Variants in GOLGA8B observed in about 807,000 individuals in gnomAD.
GOLGA8B encodes golgin subfamily A member 8B.
GOLGA8B carries 1 observed loss-of-function variant against 15.6 expected under a neutral mutation model. The observed-to-expected ratio is 0.06, with a 90% confidence interval of 0.02 to 0.30. The LOEUF (loss-of-function observed/expected upper bound fraction) is 0.30. GOLGA8B is among the 10% of genes least tolerant of loss of function. GOLGA8B has a pLI of 1.00. For synonymous variants in GOLGA8B, 9 were observed against 80.3 expected (o/e 0.11, Z 4.75); for missense variants, 17 against 201.3 (o/e 0.08, Z 5.54).
intron 1 of GOLGA8B, among the ~76,000 whole-genome samples, chr15:34,574,201 T>G (rs560117729): frequency 3.3e-5 from 5 of 152,308 alleles, no homozygotes; most frequent in Admixed American, 2.0e-4. Context: ...TAATATTAGA[T>G]GTCTGATTAA....
intron 1 of GOLGA8B, among the ~76,000 whole-genome samples, chr15:34,579,073 A>C (rs1017203546): frequency 1.1e-4 from 17 of 152,002 alleles, no homozygotes; most frequent in African/African-American, 3.6e-4. Context: ...CAAAACAACC[A>C]CAGGCAAGAG....
At chr15:34,570,956 C>A (rs1339985031) in intron 1 of GOLGA8B, among the ~76,000 whole-genome samples, 3 of 133,196 alleles carry the variant, frequency 2.3e-5, no homozygotes, top group Non-Finnish European at 4.8e-5. Context: ...CCACCCCCAA[C>A]CCCCACCATA....
At chr15:34,574,911 C>T (rs1013829080) in intron 1 of GOLGA8B, 7 of 152,080 alleles carry the variant, frequency 4.6e-5, no homozygotes, top group African/African-American at 1.7e-4. Context: ...ACAGCTCCCT[C>T]CACCTGAAAG....
At chr15:34,575,488 C>G (rs1366022348) in intron 1 of GOLGA8B, among the ~76,000 whole-genome samples, 1 of 151,778 alleles carries the variant, frequency 6.6e-6, no homozygotes, top group Non-Finnish European at 1.5e-5. Context: ...TGCTCCCAAC[C>G]CACAGCAAGG....
chr15:34,563,757 T>C (rs952687761), intron 1 of GOLGA8B, among the ~76,000 whole-genome samples: 9 of 150,040 alleles, frequency 6.0e-5, no homozygotes, highest in Non-Finnish European at 7.5e-5. Flanking sequence ...TTTTCATGAT[T>C]GTGCCTTCAA....
chr15:34,573,308 G>A (rs981077073), intron 1 of GOLGA8B, among the ~76,000 whole-genome samples: 2 of 152,160 alleles, frequency 1.3e-5, no homozygotes, highest in Admixed American at 6.5e-5. Context: ...GGAGGCTGAA[G>A]CAGGCAGATC....
rs1158624521 is a variant in GOLGA8B at position 34,526,591 on chromosome 15, G to C, written c.*1041C>G. Reference sequence around the variant, plus strand: ...CTAGAGCCTGTATGCCTGTTTCAGAGACATTTAAACTCTTAAAGGATGTCT... The same window carrying C: ...CTAGAGCCTGTATGCCTGTTTCAGACACATTTAAACTCTTAAAGGATGTCT... On this transcript the variant is annotated 3_prime_UTR_variant, in exon 24 of 24. Coordinates refer to ENST00000683415, the MANE Select transcript of GOLGA8B (RefSeq NM_001023567.5). The C allele has an allele frequency of 1.3e-5, 2 of 148,916 alleles. No homozygotes were observed. The highest frequency in any genetic ancestry group is 3.0e-5 in the Non-Finnish European group (2 of 67,186). The allele number at this position is 148,916 out of a possible 1,614,324, so 9.2% of individuals were successfully genotyped here.
At position 34,580,741 on chromosome 15, in the gene GOLGA8B, C is replaced by G. The variant is rs115624372; in HGVS notation, c.-1123+2775G>C. On this transcript the variant is annotated intron_variant, in intron 1 of 23. Transcript: ENST00000683415. ...CCGGAGAAGCCTCTCTGTGGGCGCT[C>G]AGGCCAACCACCATCCAAGGGAACA... Among the ~76,000 whole-genome samples, 224 of 152,206 alleles carry G rather than the reference C, an allele frequency of 1.5e-3. 2 individuals carry two copies. Among genetic ancestry groups the G allele is most frequent in the African/African-American group, 5.1e-3 (212 of 41,506 alleles).
chr15:34,583,464 G>A (rs1889307051), intron 1 of GOLGA8B, 52 bp downstream of exon 1: 2 of 151,532 alleles, frequency 1.3e-5, no homozygotes, highest in African/African-American at 2.4e-5. Context: ...GCCGCGGGCG[G>A]CCCCAGGTTG....
intron 1 of GOLGA8B, among the ~76,000 whole-genome samples, chr15:34,559,673 CAA>C (rs1888575444): frequency 9.5e-6 from 1 of 104,928 alleles, no homozygotes; most frequent in South Asian, 3.7e-4. Context: ...GAACTCAGAG[CAA>C]GAGTTCACCT....
chr15:34,543,601 T>G (rs1365246138), intron 7 of GOLGA8B, among the ~76,000 whole-genome samples: 1 of 104,840 alleles, frequency 9.5e-6, no homozygotes, highest in Non-Finnish European at 1.9e-5. Flanking sequence ...GCTCGCTCAA[T>G]TTTATGAGTC....
At chr15:34,577,305 C>G (rs952437327) in intron 1 of GOLGA8B, among the ~76,000 whole-genome samples, 2 of 152,054 alleles carry the variant, frequency 1.3e-5, no homozygotes. Flanking sequence ...GGTTACTCAA[C>G]TAGTGGCTTT....
chr15:34,571,688 A>C (rs2140351651), intron 1 of GOLGA8B, among the ~76,000 whole-genome samples: 1 of 151,996 alleles, frequency 6.6e-6, no homozygotes, highest in African/African-American at 2.4e-5. Context: ...AGAGATGTAA[A>C]TGTAAAAAAA....
chr15:34,575,851 G>A (rs1330068914), intron 1 of GOLGA8B, among the ~76,000 whole-genome samples: 1 of 152,192 alleles, frequency 6.6e-6, no homozygotes. Context: ...CCTCCCTCCT[G>A]ATCCCACCCA....
Position 34,557,644 on chromosome 15 carries a change from A to ATATGTG in GOLGA8B, c.-1122-3689_-1122-3688insCACATA, listed in dbSNP as rs1555405943. 3.0e-4 allele frequency among the ~76,000 whole-genome samples: 23 copies of ATATGTG among 76,142 alleles called. 1 individual carries two copies. The highest frequency in any genetic ancestry group is 9.3e-4 in the African/African-American group (21 of 22,534). 50.0% of individuals were successfully genotyped at this position (76,142 alleles called of 152,430 possible). On this transcript the variant is annotated intron_variant, in intron 1 of 23. Transcript: ENST00000683415. ...ATTTTTTTCTGAGAAGAATTCATGAATGTGTGTGTGTGTGTGTGTGTGTGT... is the reference window on the plus strand; with the variant it reads ...ATTTTTTTCTGAGAAGAATTCATGAATATGTGTGTGTGTGTGTGTGTGTGTGTGTGT...
intron 3 of GOLGA8B, chr15:34,552,219 G>GA (rs1888392633): frequency 7.4e-6 from 1 of 135,220 alleles, no homozygotes; most frequent in South Asian, 2.3e-4. Flanking sequence ...TGGTCTGAGT[G>GA]AAAGAATTGT....
intron 1 of GOLGA8B, among the ~76,000 whole-genome samples, chr15:34,570,581 C>G (rs1294565262): frequency 8.3e-6 from 1 of 120,974 alleles, no homozygotes; most frequent in Non-Finnish European, 1.8e-5. Flanking sequence ...TCAAACACCC[C>G]TCCACGATGG....
chr15:34,571,995 C>T (rs76918122), intron 1 of GOLGA8B, among the ~76,000 whole-genome samples: 1 of 152,144 alleles, frequency 6.6e-6, no homozygotes. Context: ...AAGAGAAAAA[C>T]AGGCAAGGAT....
chr15:34,571,458 A>G (rs540486470), intron 1 of GOLGA8B, among the ~76,000 whole-genome samples: 457 of 152,142 alleles, frequency 3.0e-3, no homozygotes, highest in Non-Finnish European at 5.2e-3. Context: ...CGTAACTTAC[A>G]CGGTAGATAG....
Sources: gnomAD v4.1 joint callset for allele counts (sites outside exome capture counted in the v4.1 genomes callset) on GRCh38, gnomAD v4.1.1 for gene constraint, MANE v1.5 for transcripts, NCBI Gene and HGNC (gene_info 2026-07-23, HGNC 2026-07-21) for gene names.